Variants in FRS2 observed in about 807,000 individuals in gnomAD.
FRS2 encodes fibroblast growth factor receptor substrate 2.
FRS2 carries 8 observed loss-of-function variants against 43.9 expected under a neutral mutation model. The observed-to-expected ratio is 0.18, with a 90% CI of 0.11 to 0.33. The LOEUF (loss-of-function observed/expected upper bound fraction) is 0.33, where lower values mean the gene tolerates loss of function less well. FRS2 is among the 10% of genes least tolerant of loss of function. The pLI is 1.00. For synonymous variants in FRS2, 219 were observed against 220.3 expected, an observed-to-expected ratio of 0.99 and a Z score of 0.05; for missense variants, 534 against 627.6, an observed-to-expected ratio of 0.85 and a Z score of 1.59.
Position 69,579,050 on chromosome 12 carries a change from A to G in FRS2, c.*4095A>G, listed in dbSNP as rs1881381772. The G allele has an allele frequency of 6.6e-6, 1 of 152,662 alleles. No individual in the cohort carries two copies. Among genetic ancestry groups the G allele is most frequent in the African/African-American group, 2.4e-5 (1 of 41,464 alleles). 9.5% of individuals were successfully genotyped at this position (152,662 alleles called of 1,614,324 possible). ...CAAAACGTAACCACTGTTAATTAAA[A>G]TAAAACCTTGTTGTATATGTAACAA... On this transcript the variant is annotated 3_prime_UTR_variant, in exon 9 of 9. Coordinates refer to ENST00000549921, the MANE Select transcript of FRS2 (RefSeq NM_001278356.2).
chr12:69,526,745 A>G (rs1387897504), intron 1 of FRS2, among the ~76,000 whole-genome samples: 1 of 150,960 alleles, frequency 6.6e-6, no homozygotes, highest in African/African-American at 2.4e-5. Flanking sequence ...TTTTTTTGAG[A>G]CAGAGTGTCA....
At chr12:69,487,352 A>G (rs1872047876) in intron 1 of FRS2, among the ~76,000 whole-genome samples, 1 of 152,222 alleles carries the variant, frequency 6.6e-6, no homozygotes, top group African/African-American at 2.4e-5. Context: ...TGAAGTTAAC[A>G]TTTACCATTC....
At chr12:69,493,062 A>G (rs974555999) in intron 1 of FRS2, among the ~76,000 whole-genome samples, 6 of 152,262 alleles carry the variant, frequency 3.9e-5, no homozygotes, top group Non-Finnish European at 7.3e-5. Flanking sequence ...AGCAAAACAG[A>G]GAGACTATTG....
chr12:69,569,912 A>T (rs1424191798), intron 5 of FRS2, among the ~76,000 whole-genome samples: 4 of 152,166 alleles, frequency 2.6e-5, no homozygotes. Flanking sequence ...TTCTGCTTTA[A>T]CATTGTGTCT....
intron 1 of FRS2, among the ~76,000 whole-genome samples, chr12:69,519,363 C>G (rs1450356931): frequency 6.6e-6 from 1 of 152,170 alleles, no homozygotes; most frequent in African/African-American, 2.4e-5. Context: ...TTGTATGCCT[C>G]TCTTATGCAT....
At chr12:69,541,364 T>C (rs889787926) in intron 3 of FRS2, among the ~76,000 whole-genome samples, 15 of 152,212 alleles carry the variant, frequency 9.9e-5, no homozygotes, top group African/African-American at 3.6e-4. Context: ...ATTTTTAAAC[T>C]TCAGGGTAAA....
chr12:69,535,201 G>A (rs1236977657), intron 3 of FRS2, among the ~76,000 whole-genome samples: 1 of 152,098 alleles, frequency 6.6e-6, no homozygotes, highest in Non-Finnish European at 1.5e-5. Context: ...AATGATTCAA[G>A]GACAGTGAGA....
At chr12:69,553,063 T>G (rs1405019698) in intron 3 of FRS2, among the ~76,000 whole-genome samples, 1 of 151,858 alleles carries the variant, frequency 6.6e-6, no homozygotes, top group Non-Finnish European at 1.5e-5. Flanking sequence ...CTATTTTTGT[T>G]TTTGTTTTTG....
At chr12:69,573,106 T>A (rs955162705) in intron 8 of FRS2, among the ~76,000 whole-genome samples, 3 of 152,182 alleles carry the variant, frequency 2.0e-5, no homozygotes, top group Non-Finnish European at 2.9e-5. Flanking sequence ...GTGTTGGGAT[T>A]ACAGGCGTGA....
chr12:69,571,483 G>A, intron 7 of FRS2, 49 bp downstream of exon 7: 6 of 1,390,898 alleles, frequency 4.3e-6, no homozygotes, highest in Non-Finnish European at 5.1e-6. Flanking sequence ...ACGTTTAGTT[G>A]TAAGCTATAG....
intron 3 of FRS2, among the ~76,000 whole-genome samples, chr12:69,540,534 A>G (rs1258030838): frequency 6.6e-6 from 1 of 152,234 alleles, no homozygotes; most frequent in Non-Finnish European, 1.5e-5. Flanking sequence ...ACTGGTATGA[A>G]TAAATGATTG....
intron 1 of FRS2, among the ~76,000 whole-genome samples, chr12:69,486,758 A>G (rs746001703): frequency 6.6e-6 from 1 of 152,252 alleles, no homozygotes; most frequent in East Asian, 1.9e-4. Context: ...TATTGCTGGT[A>G]TGGAGAAAGT....
intron 4 of FRS2, among the ~76,000 whole-genome samples, chr12:69,564,270 G>C (rs1377283727): frequency 6.7e-6 from 1 of 150,218 alleles, no homozygotes; most frequent in African/African-American, 2.5e-5. Context: ...TCCTTCACTG[G>C]CTTCTCTCTA....
chr12:69,500,005 G>C (rs1651874979), intron 1 of FRS2, among the ~76,000 whole-genome samples: 1 of 152,094 alleles, frequency 6.6e-6, no homozygotes. Flanking sequence ...CCAAGATTCA[G>C]TTATTTCCTT....
rs1400917416 is a variant in FRS2 at position 69,576,414 on chromosome 12, A to C, written c.*1459A>C. The C allele has an allele frequency of 2.6e-5, 4 of 152,248 alleles. No individual in the cohort carries two copies. Among genetic ancestry groups the C allele is most frequent in the South Asian group, 4.1e-4 (2 of 4,830 alleles). 9.4% of individuals were successfully genotyped at this position (152,248 alleles called of 1,614,324 possible). A position where few individuals can be genotyped will look rare whatever the true frequency, so the allele number is the denominator to read the frequency against. On this transcript the variant is annotated 3_prime_UTR_variant, in exon 9 of 9. Coordinates refer to ENST00000549921, the MANE Select transcript of FRS2 (RefSeq NM_001278356.2). ...TAAACTGAAGAGTCTCCATATGTCA[A>C]ACTCTTGGAAAATCAAAGATGTTCC...
chr12:69,485,027 C>G (rs1871706150), intron 1 of FRS2, among the ~76,000 whole-genome samples: 1 of 147,106 alleles, frequency 6.8e-6, no homozygotes, highest in Non-Finnish European at 1.5e-5. Flanking sequence ...GGAAGGATCA[C>G]TTGAACCCAG....
At position 69,574,684 on chromosome 12, in the gene FRS2, T is replaced by C. The variant is rs1213240013; in HGVS notation, c.1256T>C (p.Val419Ala). 1.2e-6 allele frequency: 2 copies of C among 1,614,144 alleles called. No individual in the cohort carries two copies. Among genetic ancestry groups the C allele is most frequent in the East Asian group, 2.2e-5 (1 of 44,880 alleles). The change falls in exon 9 of 9, where the codon GTC (valine) becomes GCC (alanine). Residue 419 changes from valine to alanine, a missense_variant. Physicochemically the swap from Val to Ala is moderately conservative, Grantham distance 64. Around this residue, in one of 3 missense-constraint regions of FRS2, gnomAD observed 446 missense variants for 494.2 expected, o/e 0.90. Coordinates refer to ENST00000549921, the MANE Select transcript of FRS2 (RefSeq NM_001278356.2). ...AGGCGTCGGGACTGTACACCAACAG[T>C]CTTTAACTTTGATATCAGACGCCCA... Reference protein sequence around the residue: ...YSRRRDCTPTVFNFDIRRPSL... With the variant: ...YSRRRDCTPTAFNFDIRRPSL...
intron 3 of FRS2, among the ~76,000 whole-genome samples, chr12:69,535,694 G>A (rs1265625826): frequency 6.6e-6 from 1 of 151,994 alleles, no homozygotes; most frequent in Non-Finnish European, 1.5e-5. Context: ...CTAAGAACTT[G>A]TTAATTGTTC....
chr12:69,474,516 G>T (rs1870588913), intron 1 of FRS2, among the ~76,000 whole-genome samples: 1 of 152,188 alleles, frequency 6.6e-6, no homozygotes, highest in Non-Finnish European at 1.5e-5. Flanking sequence ...TAAAGAATTT[G>T]ATAGTATGTC....
Sources: allele counts gnomAD v4.1 joint callset (sites outside exome capture counted in the v4.1 genomes callset), GRCh38; gene constraint gnomAD v4.1.1; regional missense constraint gnomAD v4.1.1; transcripts MANE v1.5; gene names NCBI Gene and HGNC (gene_info 2026-07-23, HGNC 2026-07-21).